The following SLC7A9 variants were observed in gnomAD, a reference collection of about 807,000 sequenced individuals.
SLC7A9 encodes the protein solute carrier family 7 member 9.
In SLC7A9, 38 loss-of-function variants were observed where a neutral mutation model predicts 54.1. The ratio of observed to expected loss-of-function variants is 0.70; its 90% CI spans 0.54 to 0.92. The LOEUF (loss-of-function observed/expected upper bound fraction) is 0.92. SLC7A9 is among the 40% of genes least tolerant of loss of function. The pLI is 0.00. For missense variants in SLC7A9, 537 were observed against 636.1 expected (o/e 0.84, Z 1.68); for synonymous variants, 264 against 258.9 (o/e 1.02, Z -0.19).
At chr19:32,837,573 A>T (rs1967998962) in intron 11 of SLC7A9, among the ~76,000 whole-genome samples, 1 of 151,998 alleles carries the variant, frequency 6.6e-6, no homozygotes, top group Admixed American at 6.6e-5. Flanking sequence ...ATAACATGTT[A>T]CCCAACACAG....
intron 7 of SLC7A9, 55 bp downstream of exon 7, chr19:32,860,548 CAGG>C (rs1968767905): frequency 8.1e-6 from 13 of 1,613,800 alleles, no homozygotes; most frequent in Middle Eastern, 3.3e-4. Flanking sequence ...CAGCCTTCAC[CAGG>C]AGAAGAGAAA....
chr19:32,846,367 T>G (rs976727855), intron 9 of SLC7A9, among the ~76,000 whole-genome samples: 6 of 152,162 alleles, frequency 3.9e-5, no homozygotes, highest in African/African-American at 1.4e-4. Flanking sequence ...ACCAGGAGAT[T>G]ATATCCCGCA....
intron 11 of SLC7A9, among the ~76,000 whole-genome samples, chr19:32,834,555 G>A (rs926045103): frequency 4.6e-5 from 7 of 151,952 alleles, no homozygotes; most frequent in Non-Finnish European, 5.9e-5. Flanking sequence ...GCTTGAACCC[G>A]GGAGGCGGAG....
chr19:32,857,424 A>G (rs755206511), intron 9 of SLC7A9, among the ~76,000 whole-genome samples: 2 of 152,188 alleles, frequency 1.3e-5, no homozygotes, highest in Non-Finnish European at 2.9e-5. Flanking sequence ...AGCCTGGGCG[A>G]CAGAGTGAGA....
chr19:32,868,236 A>G (rs1437282681), intron 2 of SLC7A9, among the ~76,000 whole-genome samples: 2 of 151,360 alleles, frequency 1.3e-5, no homozygotes, highest in African/African-American at 4.9e-5. Context: ...ATCTCAAAAA[A>G]AAAAAAAAAA....
intron 9 of SLC7A9, among the ~76,000 whole-genome samples, chr19:32,853,931 A>C (rs1453321134): frequency 1.3e-4 from 20 of 151,694 alleles, no homozygotes; most frequent in African/African-American, 2.7e-4. Context: ...AAAAAAAAAA[A>C]AAAACACCAA....
intron 9 of SLC7A9, among the ~76,000 whole-genome samples, chr19:32,847,103 C>T (rs1370490970): frequency 6.6e-6 from 1 of 152,162 alleles, no homozygotes; most frequent in Non-Finnish European, 1.5e-5. Flanking sequence ...AGCAGAAAAA[C>T]TGGAAACTCT....
intron 4 of SLC7A9, 70 bp downstream of exon 4, chr19:32,864,026 G>A (rs1215416795): frequency 3.7e-6 from 6 of 1,607,864 alleles, no homozygotes; most frequent in Non-Finnish European, 5.1e-6. Context: ...GGGAGGAGCT[G>A]AGGGCGGAGT....
At chr19:32,855,543 C>CA (rs746142961) in intron 9 of SLC7A9, among the ~76,000 whole-genome samples, 22 of 151,248 alleles carry the variant, frequency 1.5e-4, no homozygotes, top group African/African-American at 3.2e-4. Flanking sequence ...ACTAAAAATA[C>CA]AAAAAAAAAT....
At chr19:32,859,304 CT>C (rs1968723533) in intron 8 of SLC7A9, among the ~76,000 whole-genome samples, 1 of 152,054 alleles carries the variant, frequency 6.6e-6, no homozygotes, top group Non-Finnish European at 1.5e-5. Context: ...ACCTTCACCT[CT>C]CACTTCCCTG....
chr19:32,849,200 G>C (rs1486903192), intron 9 of SLC7A9, among the ~76,000 whole-genome samples: 2 of 152,204 alleles, frequency 1.3e-5, no homozygotes, highest in Admixed American at 6.5e-5. Flanking sequence ...AGAACTGAAG[G>C]AAATAGAGAC....
intron 7 of SLC7A9, chr19:32,860,291 T>C: frequency 7.2e-7 from 1 of 1,395,244 alleles, no homozygotes. Flanking sequence ...GTGCAGTGGC[T>C]CACACCTGTA....
chr19:32,840,347 T>C (rs1175004060), intron 11 of SLC7A9, among the ~76,000 whole-genome samples: 2 of 152,022 alleles, frequency 1.3e-5, no homozygotes, highest in African/African-American at 4.8e-5. Context: ...TATCTTTTTG[T>C]AGAGACAGGG....
At chr19:32,858,393 T>G in intron 9 of SLC7A9, 47 bp downstream of exon 9, 1 of 1,373,300 alleles carries the variant, frequency 7.3e-7, no homozygotes, top group Non-Finnish European at 1.0e-6. Context: ...GTGATATTGC[T>G]TTCGCCGCCC....
intron 11 of SLC7A9, among the ~76,000 whole-genome samples, chr19:32,833,988 A>G (rs958376570): frequency 4.6e-5 from 7 of 152,156 alleles, no homozygotes; most frequent in East Asian, 3.9e-4. Context: ...CATACAGGAA[A>G]GGCAGGATTA....
intron 2 of SLC7A9, 145 bp downstream of exon 2, chr19:32,868,303 T>TC (rs1184217766): frequency 3.0e-6 from 2 of 664,758 alleles, no homozygotes; most frequent in Non-Finnish European, 5.6e-6. Context: ...CCAGAGATTA[T>TC]CCCTTTAAAG....
intron 6 of SLC7A9, 38 bp from the exon 7 acceptor site, chr19:32,860,688 C>T: frequency 1.2e-6 from 2 of 1,613,408 alleles, no homozygotes; most frequent in Non-Finnish European, 1.7e-6. Context: ...CACACCTTGA[C>T]TTTCTTTTTC....
At chr19:32,858,071 A>C (rs1053082865) in intron 9 of SLC7A9, among the ~76,000 whole-genome samples, 93 of 152,242 alleles carry the variant, frequency 6.1e-4, no homozygotes, top group African/African-American at 2.1e-3. Context: ...TATGTGAAAA[A>C]TATCACTAGG....
intron 7 of SLC7A9, 105 bp downstream of exon 7, chr19:32,860,501 C>T (rs1370276654): frequency 1.3e-6 from 2 of 1,583,752 alleles, no homozygotes; most frequent in East Asian, 2.2e-5. Flanking sequence ...AATTCACTGT[C>T]GGGAAGGGCA....
Sources: gnomAD v4.1 joint callset for allele counts (sites outside exome capture counted in the v4.1 genomes callset) on GRCh38, gnomAD v4.1.1 for gene constraint, MANE v1.5 for transcripts, NCBI Gene and HGNC (gene_info 2026-07-23, HGNC 2026-07-21) for gene names.